Variants in SAMD13 observed in about 807,000 individuals in gnomAD.
SAMD13 encodes the protein sterile alpha motif domain-containing protein 13.
SAMD13 carries 9 observed loss-of-function variants against 12.4 expected under a neutral mutation model. The ratio of observed to expected loss-of-function variants is 0.72; its 90% CI spans 0.44 to 1.26. The LOEUF (loss-of-function observed/expected upper bound fraction) is 1.26, where lower values mean the gene tolerates loss of function less well. SAMD13 is among the 50% of genes most tolerant of loss of function. SAMD13 has a pLI of 0.00. For synonymous variants in SAMD13, 46 were observed against 45.4 expected, an observed-to-expected ratio of 1.01 and a Z score of -0.05; for missense variants, 84 against 119.6, an observed-to-expected ratio of 0.70 and a Z score of 1.39.
At chr1:84,334,095 C>T (rs1202954450) in intron 3 of SAMD13, among the ~76,000 whole-genome samples, 1 of 151,980 alleles carries the variant, frequency 6.6e-6, no homozygotes, top group Non-Finnish European at 1.5e-5. Context: ...AGTCCCTCCT[C>T]CTAAATTTTT....
chr1:84,319,540 C>G (rs184477339), intron 2 of SAMD13, among the ~76,000 whole-genome samples: 212 of 150,342 alleles, frequency 1.4e-3, no homozygotes, highest in Middle Eastern at 3.5e-3. Flanking sequence ...GAGACTGAGG[C>G]AGGAGAATCG....
chr1:84,313,958 T>C (rs74559377), intron 2 of SAMD13, among the ~76,000 whole-genome samples: 4,822 of 152,250 alleles, frequency 0.032, 93 homozygotes, highest in South Asian at 0.072. Flanking sequence ...GAAACCTAAC[T>C]GTATACCTGT....
chr1:84,317,673 T>C (rs1678864986), intron 2 of SAMD13, among the ~76,000 whole-genome samples: 1 of 152,072 alleles, frequency 6.6e-6, no homozygotes, highest in South Asian at 2.1e-4. Flanking sequence ...CTTGTGTGTC[T>C]TTATCTGGCT....
At chr1:84,344,389 G>A (rs1294590611) in intron 3 of SAMD13, among the ~76,000 whole-genome samples, 1 of 152,094 alleles carries the variant, frequency 6.6e-6, no homozygotes, top group Non-Finnish European at 1.5e-5. Context: ...GGAAGGCAAG[G>A]CAAGCACAGC....
At chr1:84,314,639 C>G (rs1211057670) in intron 2 of SAMD13, among the ~76,000 whole-genome samples, 2 of 152,074 alleles carry the variant, frequency 1.3e-5, no homozygotes, top group Non-Finnish European at 2.9e-5. Context: ...GTGATGGTTC[C>G]TGGAATGCTC....
At chr1:84,330,485 G>T (rs1679155759) in intron 3 of SAMD13, among the ~76,000 whole-genome samples, 1 of 152,120 alleles carries the variant, frequency 6.6e-6, no homozygotes, top group African/African-American at 2.4e-5. Flanking sequence ...GACTAATCTT[G>T]TTCAAAAGCA....
chr1:84,333,355 T>C (rs1679230976), intron 3 of SAMD13, among the ~76,000 whole-genome samples: 2 of 152,204 alleles, frequency 1.3e-5, no homozygotes, highest in Admixed American at 1.3e-4. Flanking sequence ...GGAATGTTGT[T>C]CCATTTGTTT....
In SAMD13 at chr1:84,315,753, A is replaced by C. The variant is rs999115883; in HGVS notation, c.54-9884A>C. On this transcript the variant is annotated intron_variant, in intron 2 of 3. Coordinates refer to ENST00000394834, the MANE Select transcript of SAMD13 (RefSeq NM_001134663.2). ...TACTCTGAAGTGGGATTGCTATGTCACATAGTAGTTCTATCTTTAATTTCT... is the reference window on the plus strand; with the variant it reads ...TACTCTGAAGTGGGATTGCTATGTCCCATAGTAGTTCTATCTTTAATTTCT... Among the ~76,000 whole-genome samples, 6 of 152,178 alleles carry C rather than the reference A, an allele frequency of 3.9e-5. No homozygotes were observed. The East Asian group carries it at 1.2e-3, about 29-fold the overall frequency.
chr1:84,325,952 A>G (rs1251583383), intron 3 of SAMD13, among the ~76,000 whole-genome samples: 2 of 152,168 alleles, frequency 1.3e-5, no homozygotes, highest in Non-Finnish European at 2.9e-5. Context: ...AAAGCCGGAG[A>G]CAGTGGCAGC....
intron 2 of SAMD13, among the ~76,000 whole-genome samples, chr1:84,319,102 G>A (rs952617151): frequency 1.3e-5 from 2 of 152,096 alleles, no homozygotes; most frequent in Non-Finnish European, 2.9e-5. Flanking sequence ...TCTTGCTATT[G>A]AGATCCCTAC....
At chr1:84,317,960 G>A (rs1678869731) in intron 2 of SAMD13, among the ~76,000 whole-genome samples, 1 of 152,028 alleles carries the variant, frequency 6.6e-6, no homozygotes, top group African/African-American at 2.4e-5. Context: ...AGACTATCCA[G>A]TTGGTAGACC....
intron 3 of SAMD13, among the ~76,000 whole-genome samples, chr1:84,331,478 G>A (rs535100537): frequency 6.6e-6 from 1 of 152,024 alleles, no homozygotes; most frequent in African/African-American, 2.4e-5. Context: ...TACTTCATCA[G>A]CATCTAATAA....
chr1:84,315,010 CTCTCTTTCTT>C (rs890364584), intron 2 of SAMD13, among the ~76,000 whole-genome samples: 28 of 139,290 alleles, frequency 2.0e-4, no homozygotes, highest in Middle Eastern at 3.6e-3. Flanking sequence ...TTCTCTCCTT[CTCTCTTTCTT>C]TCTCTTTCTT....
At chr1:84,319,624 G>GAAAAA (rs57599932) in intron 2 of SAMD13, among the ~76,000 whole-genome samples, 1 of 77,744 alleles carries the variant, frequency 1.3e-5, no homozygotes, top group South Asian at 4.6e-4. Flanking sequence ...GACAGGAAAA[G>GAAAAA]AAAAAAAAAA....
chr1:84,299,208 G>A (rs1678385179), upstream of SAMD13, among the ~76,000 whole-genome samples: 1 of 152,128 alleles, frequency 6.6e-6, no homozygotes, highest in Non-Finnish European at 1.5e-5. Flanking sequence ...TTGGGACCGC[G>A]CTGGCTCCCT....
At chr1:84,302,875 T>TCAA (rs1678482514) in intron 1 of SAMD13, among the ~76,000 whole-genome samples, 1 of 152,012 alleles carries the variant, frequency 6.6e-6, no homozygotes. Flanking sequence ...CATTTATGAG[T>TCAA]TGCAGTGTCT....
intron 2 of SAMD13, chr1:84,303,558 C>T (rs1678496551): frequency 3.6e-6 from 1 of 280,068 alleles, no homozygotes; most frequent in Non-Finnish European, 7.1e-6. Context: ...TTCAGCCCTG[C>T]ATTCTGTATA....
chr1:84,314,933 TTTCC>T (rs1294624809), intron 2 of SAMD13, among the ~76,000 whole-genome samples: 4 of 151,790 alleles, frequency 2.6e-5, no homozygotes, highest in South Asian at 2.1e-4. Flanking sequence ...TGGTTCTTCT[TTTCC>T]TTCCTTCCTT....
intron 2 of SAMD13, among the ~76,000 whole-genome samples, chr1:84,320,439 G>C (rs1437037141): frequency 6.6e-6 from 1 of 152,170 alleles, no homozygotes; most frequent in Non-Finnish European, 1.5e-5. Context: ...AAAATGTTCT[G>C]TCCAGAATCT....
Sources: gnomAD v4.1 joint callset for allele counts (sites outside exome capture counted in the v4.1 genomes callset) on GRCh38, gnomAD v4.1.1 for gene constraint, MANE v1.5 for transcripts, NCBI Gene and HGNC (gene_info 2026-07-23, HGNC 2026-07-21) for gene names.